The following ADAMTS9 variants were observed in gnomAD, a reference collection of about 807,000 sequenced individuals.
ADAMTS9 encodes the protein ADAM metallopeptidase with thrombospondin type 1 motif 9.
A neutral mutation model predicts 257.1 loss-of-function variants in ADAMTS9; 107 were observed. The observed-to-expected ratio is 0.42, with a 90% CI of 0.36 to 0.49. ADAMTS9 has a LOEUF of 0.49. Ranked by LOEUF, ADAMTS9 falls within the 20% of genes least tolerant of loss-of-function variation. ADAMTS9 has a pLI of 0.03. For missense variants in ADAMTS9, 2,353 were observed against 2,469.1 expected (o/e 0.95, Z 1.00); for synonymous variants, 982 against 880.9 (o/e 1.11, Z -2.03).
intron 38 of ADAMTS9, among the ~76,000 whole-genome samples, chr3:64,531,463 G>A (rs1186992687): frequency 6.7e-6 from 1 of 148,382 alleles, no homozygotes; most frequent in Non-Finnish European, 1.5e-5. Flanking sequence ...AGTGTTCATT[G>A]TGTACTTAAA....
chr3:64,629,642 C>T (rs1348939133), intron 16 of ADAMTS9, among the ~76,000 whole-genome samples: 4 of 152,232 alleles, frequency 2.6e-5, no homozygotes, highest in African/African-American at 9.6e-5. Flanking sequence ...CACTATAACA[C>T]TATGGAGTTT....
At chr3:64,672,776 C>A (rs1701525315) in intron 3 of ADAMTS9, among the ~76,000 whole-genome samples, 1 of 152,178 alleles carries the variant, frequency 6.6e-6, no homozygotes, top group Admixed American at 6.5e-5. Context: ...ACCTTACAAT[C>A]CTAATTGCAA....
At chr3:64,579,467 T>C (rs2083938271) in intron 28 of ADAMTS9, among the ~76,000 whole-genome samples, 1 of 152,358 alleles carries the variant, frequency 6.6e-6, no homozygotes, top group South Asian at 2.1e-4. Flanking sequence ...CTATGGCAAC[T>C]GCCGTCTTCT....
In ADAMTS9 at chr3:64,674,091, AGT is replaced by A. The variant is rs763898202; in HGVS notation, c.679+7108_679+7109del. On this transcript the variant is annotated intron_variant, in intron 3 of 39. Coordinates refer to ENST00000498707, the MANE Select transcript of ADAMTS9 (RefSeq NM_182920.2). The stretch of plus-strand genomic sequence containing the variant: ...TGGAGTACTGCACTATTAACACTAA[AGT>A]TTTTTTTTAAAAAAAAAGGAAAGCA... Among the ~76,000 whole-genome samples the A allele has an allele frequency of 1.2e-4, 18 of 151,516 alleles. No homozygotes were observed. The East Asian group carries it at 3.3e-3, about 28-fold the overall frequency.
rs139350405 is a variant in ADAMTS9 at position 64,623,412 on chromosome 3, A to G, written c.2390-826T>C. Among the ~76,000 whole-genome samples, 28 of 152,296 alleles carry G rather than the reference A, an allele frequency of 1.8e-4. No homozygotes were observed. The East Asian group carries it at 5.4e-3, about 29-fold the overall frequency. On this transcript the variant is annotated intron_variant, in intron 16 of 39. Transcript: ENST00000498707. ...TCCTTCTGCCAACACCCTCTGAGTG[A>G]GTAATCTGGGAAGTGGATTCTCCAG...
chr3:64,564,717 C>A (rs957787268), intron 29 of ADAMTS9, among the ~76,000 whole-genome samples: 2 of 151,742 alleles, frequency 1.3e-5, no homozygotes, highest in African/African-American at 2.4e-5. Flanking sequence ...CAACTTGTGA[C>A]AAAACTGTCT....
intron 29 of ADAMTS9, among the ~76,000 whole-genome samples, chr3:64,567,130 T>C (rs2083564821): frequency 6.6e-6 from 1 of 152,142 alleles, no homozygotes; most frequent in Non-Finnish European, 1.5e-5. Context: ...TGATGCCAGA[T>C]CAGGGCATTG....
intron 28 of ADAMTS9, among the ~76,000 whole-genome samples, chr3:64,591,991 G>A (rs2084269091): frequency 6.6e-6 from 1 of 152,096 alleles, no homozygotes; most frequent in Non-Finnish European, 1.5e-5. Flanking sequence ...CACAATTACT[G>A]AGGTATGCTT....
rs1315991684 is a variant in ADAMTS9 at position 64,639,567 on chromosome 3, T to A, written c.1856+2281A>T. Among the ~76,000 whole-genome samples, 8 of 151,762 alleles carry A rather than the reference T, an allele frequency of 5.3e-5. No homozygotes were observed. In the South Asian group the frequency reaches 8.3e-4, roughly 16 times the overall value. ...CTCAAGACTTAACAAAGTATTATTT[T>A]AAAAAAGGCCAAACACTTCTTTTGA... On this transcript the variant is annotated intron_variant, in intron 12 of 39. Coordinates refer to ENST00000498707, the MANE Select transcript of ADAMTS9 (RefSeq NM_182920.2).
At chr3:64,655,896 T>G (rs1329261694) in intron 4 of ADAMTS9, 21 bp from the exon 5 acceptor site, 1 of 1,497,112 alleles carries the variant, frequency 6.7e-7, no homozygotes, top group East Asian at 2.3e-5. Flanking sequence ...GATAAATTTT[T>G]CAAAGTTAAT....
chr3:64,533,750 A>G lies in ADAMTS9; in HGVS notation c.5614-480T>C, dbSNP rs912010468. On this transcript the variant is annotated intron_variant, in intron 37 of 39. Transcript: ENST00000498707. The stretch of plus-strand genomic sequence containing the variant: ...GCGATTAGCACACCGCGTACTAAGC[A>G]CAGCAGGGCGGGACTTCAAAGAAGA... 1.4e-4 allele frequency among the ~76,000 whole-genome samples: 21 copies of G among 152,322 alleles called. 1 individual carries two copies. Among genetic ancestry groups the G allele is most frequent in the Admixed American group, 7.2e-4 (11 of 15,306 alleles).
Position 64,541,340 on chromosome 3 carries a change from G to C in ADAMTS9, c.5367C>G (p.Phe1789Leu). The C allele has an allele frequency of 6.2e-7, 1 of 1,614,170 alleles. No individual in the cohort carries two copies. The highest frequency in any genetic ancestry group is 8.5e-7 in the Non-Finnish European group (1 of 1,180,026). Reference protein sequence around the residue: ...VTLVHGDSENFSEVYGHRLHN... With the variant: ...VTLVHGDSENLSEVYGHRLHN... ...CCTACCTGTGCCCATAAACCTCGGA[G>C]AAATTCTCAGAGTCTCCATGCACCA... Residue 1789 changes from phenylalanine to leucine, a missense_variant, in exon 35 of 40, where the codon TTC becomes TTG. By Grantham distance (22) the Phe-to-Leu change is conservative. Coordinates refer to ENST00000498707, the MANE Select transcript of ADAMTS9 (RefSeq NM_182920.2).
rs2084568555 is a variant in ADAMTS9 at position 64,607,044 on chromosome 3, T to C, written c.3390A>G (p.Arg1130=). The C allele has an allele frequency of 1.2e-6, 2 of 1,613,884 alleles. No homozygotes were observed. The highest frequency in any genetic ancestry group is 1.7e-5 in the Admixed American group (1 of 60,014). Residue 1130 remains arginine, a synonymous_variant, in exon 23 of 40, where the codon AGA becomes AGG. Coordinates refer to ENST00000498707, the MANE Select transcript of ADAMTS9 (RefSeq NM_182920.2). ...AAGTCCCAATGATGCATTTCACTGC[T>C]CTTAGCTGGTATCCCTGTCCACAAG... is the stretch of plus-strand genomic sequence containing the variant. ...SVTCGQGYQL[R]AVKCIIGTYM...
chr3:64,649,349 C>T (rs2106942290), intron 10 of ADAMTS9, among the ~76,000 whole-genome samples: 1 of 152,300 alleles, frequency 6.6e-6, no homozygotes, highest in Middle Eastern at 3.4e-3. Context: ...ACTCCGTAAC[C>T]TTGCTGCCTC....
At chr3:64,645,975 T>C (rs1359117337) in intron 11 of ADAMTS9, among the ~76,000 whole-genome samples, 1 of 152,254 alleles carries the variant, frequency 6.6e-6, no homozygotes, top group African/African-American at 2.4e-5. Flanking sequence ...CATTCCAGAA[T>C]TGGTTGGGTA....
At chr3:64,605,810 T>C (rs920622562) in intron 23 of ADAMTS9, among the ~76,000 whole-genome samples, 2 of 152,196 alleles carry the variant, frequency 1.3e-5, no homozygotes, top group African/African-American at 2.4e-5. Flanking sequence ...TACATACACA[T>C]ACATATGTAC....
intron 22 of ADAMTS9, among the ~76,000 whole-genome samples, chr3:64,611,242 C>T (rs1034321777): frequency 1.3e-5 from 2 of 151,864 alleles, no homozygotes; most frequent in Admixed American, 6.6e-5. Flanking sequence ...TAGAAACAAC[C>T]GAAATGGCCA....
intron 22 of ADAMTS9, 92 bp from the exon 23 acceptor site, chr3:64,607,171 C>A: frequency 6.5e-7 from 1 of 1,542,488 alleles, no homozygotes; most frequent in African/African-American, 1.4e-5. Context: ...AGAAATACTT[C>A]CATCACAGTA....
At chr3:64,612,204 G>GA (rs112869289) in intron 22 of ADAMTS9, among the ~76,000 whole-genome samples, 7 of 150,620 alleles carry the variant, frequency 4.6e-5, no homozygotes, top group South Asian at 4.2e-4. Flanking sequence ...TCAGTTCAAG[G>GA]AAAAAAAAAG....
Sources: allele counts gnomAD v4.1 joint callset (sites outside exome capture counted in the v4.1 genomes callset), GRCh38; gene constraint gnomAD v4.1.1; transcripts MANE v1.5; gene names NCBI Gene and HGNC (gene_info 2026-07-23, HGNC 2026-07-21).